CTR9: variants seen among roughly 807,000 people sequenced by gnomAD.
The protein encoded by CTR9 is CTR9 component of Paf1/RNA polymerase II complex, also known as RNA polymerase-associated protein CTR9 homolog.
In CTR9, 41 loss-of-function variants were observed where a neutral mutation model predicts 152.1. That is an observed-to-expected ratio of 0.27 (90% CI 0.21 to 0.35). The LOEUF is 0.35. CTR9 is among the 10% of genes least tolerant of loss of function. CTR9 has a pLI of 1.00. For missense variants in CTR9, 917 were observed against 1,424.4 expected, an observed-to-expected ratio of 0.64 and a Z score of 5.73; for synonymous variants, 476 against 496.2, an observed-to-expected ratio of 0.96 and a Z score of 0.54.
chr11:10,770,100 G>C, intron 16 of CTR9, 110 bp from the exon 17 acceptor site: 1 of 662,560 alleles, frequency 1.5e-6, no homozygotes, highest in African/African-American at 1.8e-5. Flanking sequence ...CCATTCAAAG[G>C]GTAAAACACC....
intron 1 of CTR9, 40 bp downstream of exon 1, chr11:10,751,497 T>C: frequency 6.3e-7 from 1 of 1,597,162 alleles, no homozygotes; most frequent in South Asian, 1.1e-5. Context: ...GCCATGAACT[T>C]GTACGATCGC....
rs774748308 is a variant in CTR9 at position 10,775,314 on chromosome 11, A to C, written c.2982+11A>C. 2.5e-6 allele frequency: 4 copies of C among 1,610,868 alleles called. No homozygotes were observed. In the African/African-American group the frequency reaches 4.0e-5, roughly 16 times the overall value. On this transcript the variant is annotated intron_variant, in intron 23 of 24. Coordinates refer to ENST00000361367, the MANE Select transcript of CTR9 (RefSeq NM_014633.5). ...GAGAAGAAAAAGGCTGTAAGTTTAT[A>C]GTACTGTGTTTTTCTGTCCCCTAGT...
At chr11:10,761,671 G>T (rs1372240635) in intron 6 of CTR9, among the ~76,000 whole-genome samples, 1 of 151,896 alleles carries the variant, frequency 6.6e-6, no homozygotes, top group Non-Finnish European at 1.5e-5. Flanking sequence ...GGAGAAGTAG[G>T]GGCAGGGACT....
In CTR9 at chr11:10,751,272, G is replaced by A; in HGVS notation, c.-141G>A. On this transcript the variant is annotated 5_prime_UTR_variant, in exon 1 of 25. Transcript: ENST00000361367. ...TTGTTTAAGCGGCTGACGGGAAGGA[G>A]AAGCCAGAGCTCCAGCGGCGCCGCG... The A allele has an allele frequency of 2.4e-6, 2 of 833,572 alleles. No homozygotes were observed. The highest frequency in any genetic ancestry group is 1.9e-6 in the Non-Finnish European group (1 of 520,022). The allele number at this position is 833,572 out of a possible 1,614,324, so 51.6% of individuals were successfully genotyped here. A position where few individuals can be genotyped will look rare whatever the true frequency, so the allele number is the denominator to read the frequency against.
chr11:10,754,846 T>G (rs1862860277), intron 2 of CTR9, 112 bp from the exon 3 acceptor site: 1 of 1,095,902 alleles, frequency 9.1e-7, no homozygotes, highest in Admixed American at 2.7e-5. Context: ...ATCAACATTT[T>G]GATTGTTTCC....
rs750274039 is a variant in CTR9, at chr11:10,763,424, T to C, written c.850-7T>C. 1 of 1,592,706 alleles carries C rather than the reference T, an allele frequency of 6.3e-7. No homozygotes were observed. On this transcript the variant is annotated splice_polypyrimidine_tract_variant and splice_region_variant and intron_variant, in intron 7 of 24. Coordinates refer to ENST00000361367, the MANE Select transcript of CTR9 (RefSeq NM_014633.5). ...TTCACTCAGTTGACTTTCTGATCTTTGTTCAGGATTATAGTAAAGTCCAGC... is the reference window on the plus strand; with the variant it reads ...TTCACTCAGTTGACTTTCTGATCTTCGTTCAGGATTATAGTAAAGTCCAGC...
chr11:10,760,045 G>A (rs1479785949), intron 5 of CTR9, 128 bp from the exon 6 acceptor site: 3 of 946,628 alleles, frequency 3.2e-6, no homozygotes, highest in Non-Finnish European at 4.8e-6. Flanking sequence ...AAAAGATTCT[G>A]TAGTGTAGTT....
chr11:10,756,878 A>G (rs1564965299), intron 5 of CTR9, 40 bp downstream of exon 5: 1 of 1,249,338 alleles, frequency 8.0e-7, no homozygotes, highest in Non-Finnish European at 1.2e-6. Flanking sequence ...ACTGTGTATT[A>G]CCCAGCTTAA....
At chr11:10,776,328 G>A (rs1863234252) in intron 24 of CTR9, among the ~76,000 whole-genome samples, 1 of 152,132 alleles carries the variant, frequency 6.6e-6, no homozygotes, top group Non-Finnish European at 1.5e-5. Context: ...CCCCCGTTGT[G>A]CGGTGGTAAG....
intron 2 of CTR9, among the ~76,000 whole-genome samples, chr11:10,754,229 C>T (rs997245120): frequency 2.0e-5 from 3 of 152,184 alleles, no homozygotes; most frequent in Non-Finnish European, 4.4e-5. Flanking sequence ...TTAAACAGGC[C>T]CAAATCACAG....
chr11:10,754,512 A>G (rs1404297958), intron 2 of CTR9, among the ~76,000 whole-genome samples: 2 of 152,180 alleles, frequency 1.3e-5, no homozygotes, highest in Non-Finnish European at 2.9e-5. Context: ...CATCACCACA[A>G]TCAAGATTAA....
At chr11:10,765,609 C>A (rs550617137) in intron 12 of CTR9, among the ~76,000 whole-genome samples, 6 of 152,080 alleles carry the variant, frequency 3.9e-5, no homozygotes, top group Non-Finnish European at 7.4e-5. Flanking sequence ...TTACAGGGGC[C>A]CACGACTACG....
At chr11:10,775,181 C>G in intron 22 of CTR9, 26 bp from the exon 23 acceptor site, 4 of 1,575,244 alleles carry the variant, frequency 2.5e-6, no homozygotes, top group Non-Finnish European at 3.5e-6. Context: ...TCTTGACAAA[C>G]TCTCTCTTGG....
intron 13 of CTR9, chr11:10,766,962 A>C (rs371566151): frequency 2.0e-5 from 3 of 152,840 alleles, no homozygotes; most frequent in South Asian, 4.1e-4. Flanking sequence ...ATATATAGAC[A>C]AACAACTGAA....
intron 5 of CTR9, among the ~76,000 whole-genome samples, chr11:10,757,309 T>A (rs539026242): frequency 7.0e-6 from 1 of 142,726 alleles, no homozygotes; most frequent in East Asian, 2.1e-4. Context: ...ATAGATAGGG[T>A]CTGGCTGCAC....
intron 5 of CTR9, among the ~76,000 whole-genome samples, chr11:10,759,117 A>G (rs1426522911): frequency 2.0e-5 from 3 of 152,220 alleles, no homozygotes; most frequent in Non-Finnish European, 4.4e-5. Context: ...TAGATAGTGT[A>G]TAAAGCTGTG....
intron 1 of CTR9, 50 bp downstream of exon 1, chr11:10,751,507 C>T (rs193112971): frequency 1.3e-6 from 2 of 1,563,940 alleles, no homozygotes; most frequent in Non-Finnish European, 1.8e-6. Context: ...TGTACGATCG[C>T]CCCCACCGAC....
chr11:10,774,215 G>T (rs747201733), intron 22 of CTR9, 46 bp downstream of exon 22: 2 of 1,549,958 alleles, frequency 1.3e-6, no homozygotes, highest in Admixed American at 4.1e-5. Context: ...TAAAAGTGGT[G>T]AAAGACCTTT....
intron 22 of CTR9, among the ~76,000 whole-genome samples, chr11:10,774,942 A>G (rs539905437): frequency 7.9e-5 from 12 of 152,308 alleles, no homozygotes; most frequent in African/African-American, 2.9e-4. Flanking sequence ...CTGTCACTCT[A>G]CCAAGTGCAA....
Sources: allele counts gnomAD v4.1 joint callset (sites outside exome capture counted in the v4.1 genomes callset), GRCh38; gene constraint gnomAD v4.1.1; transcripts MANE v1.5; gene names NCBI Gene and HGNC (gene_info 2026-07-23, HGNC 2026-07-21).